Variants in THSD7A observed in about 807,000 individuals in gnomAD.
THSD7A encodes thrombospondin type-1 domain-containing protein 7A.
THSD7A carries 96 observed loss-of-function variants against 231.3 expected under a neutral mutation model. The ratio of observed to expected loss-of-function variants is 0.41; its 90% CI spans 0.35 to 0.49. THSD7A has a LOEUF of 0.49. Ranked by LOEUF, THSD7A falls within the 20% of genes least tolerant of loss-of-function variation. The pLI is 0.05. For synonymous variants in THSD7A, 940 were observed against 743.3 expected (o/e 1.26, Z -4.30); for missense variants, 2,290 against 2,070.2 (o/e 1.11, Z -2.06).
At chr7:11,414,858 G>C (rs1032197392) in intron 17 of THSD7A, among the ~76,000 whole-genome samples, 1 of 152,188 alleles carries the variant, frequency 6.6e-6, no homozygotes, top group East Asian at 1.9e-4. Context: ...CAGTGCACTA[G>C]GAGAGGACTT....
rs1783580743 is a variant in THSD7A, at chr7:11,406,341, T to A, written c.4196A>T (p.Lys1399Ile). The A allele has an allele frequency of 1.2e-6, 2 of 1,613,504 alleles. No individual in the cohort carries two copies. Among genetic ancestry groups the A allele is most frequent in the Non-Finnish European group, 1.7e-6 (2 of 1,179,680 alleles). Residue 1399 changes from lysine (K) to isoleucine (I), a missense_variant, in exon 22 of 28, where the codon AAA (lysine) becomes ATA (isoleucine). Coordinates refer to ENST00000423059, the MANE Select transcript of THSD7A (RefSeq NM_015204.3). This position sits in a 1 kb window ranked among gnomAD's most constrained non-coding sequence, Gnocchi z 4.7. Reference sequence around the variant, plus strand: ...GCAGGATTCCTCCAGAACCATATTTTTATTACCATCTATAATGAGTTCAAT... The same window carrying A: ...GCAGGATTCCTCCAGAACCATATTTATATTACCATCTATAATGAGTTCAAT... Reference protein sequence around the residue: ...ADIELIIDGNKNMVLEESCSQ... With the variant: ...ADIELIIDGNINMVLEESCSQ...
chr7:11,522,922 C>T (rs973528565), intron 6 of THSD7A, among the ~76,000 whole-genome samples: 6 of 151,936 alleles, frequency 3.9e-5, no homozygotes, highest in South Asian at 2.1e-4. Context: ...TAATCTGTAC[C>T]AGGTCTCTTT....
intron 1 of THSD7A, among the ~76,000 whole-genome samples, chr7:11,645,259 T>C (rs1324741151): frequency 6.6e-6 from 1 of 151,856 alleles, no homozygotes; most frequent in East Asian, 1.9e-4. Context: ...TCCAGCATTC[T>C]CATGGATGTT....
At chr7:11,641,993 A>G (rs1367550562) in intron 1 of THSD7A, among the ~76,000 whole-genome samples, 1 of 152,168 alleles carries the variant, frequency 6.6e-6, no homozygotes, top group Non-Finnish European at 1.5e-5. Flanking sequence ...AAAAAGGACC[A>G]CATTCAATAG....
At chr7:11,504,623 G>T (rs1465132233) in intron 6 of THSD7A, among the ~76,000 whole-genome samples, 1 of 152,236 alleles carries the variant, frequency 6.6e-6, no homozygotes, top group African/African-American at 2.4e-5. Flanking sequence ...GGATGTGGCA[G>T]GTAAGATAAT....
chr7:11,500,950 A>G (rs576334174), intron 6 of THSD7A, among the ~76,000 whole-genome samples: 3 of 151,642 alleles, frequency 2.0e-5, no homozygotes, highest in Admixed American at 1.3e-4. Context: ...AGAAAGAAAA[A>G]AAAAAAGAAA....
At chr7:11,736,251 A>G (rs1266097103) in intron 1 of THSD7A, among the ~76,000 whole-genome samples, 1 of 152,074 alleles carries the variant, frequency 6.6e-6, no homozygotes, top group Non-Finnish European at 1.5e-5. Flanking sequence ...AAAATAAACT[A>G]GGTCCACATG....
chr7:11,497,551 T>TA (rs1425854609), intron 6 of THSD7A, among the ~76,000 whole-genome samples: 1 of 152,088 alleles, frequency 6.6e-6, no homozygotes, highest in East Asian at 1.9e-4. Flanking sequence ...CACTGGTCAT[T>TA]TTTTTGGTAA....
At chr7:11,781,016 A>G (rs1242309806) in intron 1 of THSD7A, among the ~76,000 whole-genome samples, 1 of 137,206 alleles carries the variant, frequency 7.3e-6, no homozygotes, top group East Asian at 2.0e-4. Context: ...AAAAAAAAAA[A>G]AAAAAAAAAA....
At chr7:11,716,251 T>C (rs1781133211) in intron 1 of THSD7A, among the ~76,000 whole-genome samples, 1 of 151,456 alleles carries the variant, frequency 6.6e-6, no homozygotes. Flanking sequence ...CCTCCAACTC[T>C]CTCCACCCAT....
chr7:11,722,287 T>G lies in THSD7A; in HGVS notation c.191-85326A>C, dbSNP rs138828237. ...TAATGAAAGTCTACAAGATTAGGAT[T>G]ATGGGAAGGGGGTGAATACTGCTAA... On this transcript the variant is annotated intron_variant, in intron 1 of 27. Transcript: ENST00000423059. Among the ~76,000 whole-genome samples the G allele has an allele frequency of 6.6e-5, 10 of 152,016 alleles. No homozygotes were observed. In the East Asian group the frequency reaches 2.0e-3, roughly 30 times the overall value.
intron 1 of THSD7A, among the ~76,000 whole-genome samples, chr7:11,676,642 T>C (rs1442498123): frequency 1.3e-5 from 2 of 152,044 alleles, no homozygotes; most frequent in African/African-American, 4.8e-5. Flanking sequence ...CAATAGCTGA[T>C]TCAATCAAGT....
chr7:11,589,967 T>G (rs1266738918), intron 4 of THSD7A, among the ~76,000 whole-genome samples: 1 of 152,182 alleles, frequency 6.6e-6, no homozygotes, highest in Non-Finnish European at 1.5e-5. Context: ...TGGGTTAAAG[T>G]TTTCTTTTAC....
chr7:11,743,751 A>G (rs1181928133), intron 1 of THSD7A, among the ~76,000 whole-genome samples: 1 of 151,856 alleles, frequency 6.6e-6, no homozygotes, highest in Non-Finnish European at 1.5e-5. Flanking sequence ...GTGATAAATC[A>G]ATGTCTGAAA....
At chr7:11,484,525 T>A (rs1321020701) in intron 6 of THSD7A, among the ~76,000 whole-genome samples, 1 of 152,176 alleles carries the variant, frequency 6.6e-6, no homozygotes, top group Non-Finnish European at 1.5e-5. Flanking sequence ...CACTAGAAAC[T>A]ATTTTAATTA....
intron 1 of THSD7A, among the ~76,000 whole-genome samples, chr7:11,772,377 T>C (rs1008108519): frequency 6.6e-6 from 1 of 152,128 alleles, no homozygotes; most frequent in Admixed American, 6.6e-5. Context: ...ACTGGGTATA[T>C]ATGCAAAGGA....
chr7:11,683,555 C>A (rs925625894), intron 1 of THSD7A, among the ~76,000 whole-genome samples: 3 of 151,654 alleles, frequency 2.0e-5, no homozygotes, highest in African/African-American at 7.3e-5. Flanking sequence ...CAACCAATCC[C>A]AAAGAAACAA....
intron 4 of THSD7A, among the ~76,000 whole-genome samples, chr7:11,587,728 C>T (rs1779972317): frequency 6.6e-6 from 1 of 152,064 alleles, no homozygotes. Flanking sequence ...ACAGAATATA[C>T]CAATGAGTAA....
intron 1 of THSD7A, among the ~76,000 whole-genome samples, chr7:11,698,599 A>C (rs1780474347): frequency 6.6e-6 from 1 of 151,444 alleles, no homozygotes; most frequent in Admixed American, 6.6e-5. Flanking sequence ...TTCCACACTC[A>C]GGTTAAATTA....
Sources: gnomAD v4.1 joint callset for allele counts (sites outside exome capture counted in the v4.1 genomes callset) on GRCh38, gnomAD v4.1.1 for gene constraint, Gnocchi (gnomAD v3.1) non-coding constraint, MANE v1.5 for transcripts, NCBI Gene and HGNC (gene_info 2026-07-23, HGNC 2026-07-21) for gene names.